TTC39B: variants seen among roughly 807,000 people sequenced by gnomAD.
The protein encoded by TTC39B is tetratricopeptide repeat domain 39B.
A neutral mutation model predicts 96.6 loss-of-function variants in TTC39B; 92 were observed. The observed-to-expected ratio is 0.95, with a 90% CI of 0.80 to 1.13. The LOEUF is 1.13. Ranked by LOEUF, TTC39B falls within the 50% of genes most tolerant of loss-of-function variation. TTC39B has a pLI of 0.00. For synonymous variants in TTC39B, 367 were observed against 299.4 expected (o/e 1.23, Z -2.33); for missense variants, 955 against 809.3 (o/e 1.18, Z -2.18).
chr9:15,233,646 G>A (rs892050117), intron 2 of TTC39B, among the ~76,000 whole-genome samples: 4 of 152,202 alleles, frequency 2.6e-5, no homozygotes, highest in Non-Finnish European at 5.9e-5. Context: ...ACGGAGTCTC[G>A]TTCGCTCAGT....
intron 4 of TTC39B, among the ~76,000 whole-genome samples, chr9:15,213,290 A>G (rs1443139147): frequency 6.6e-6 from 1 of 152,210 alleles, no homozygotes; most frequent in Admixed American, 6.5e-5. Context: ...TGTGAGGCAA[A>G]TATTGAAGAC....
chr9:15,284,710 T>A (rs1435196563), intron 1 of TTC39B, among the ~76,000 whole-genome samples: 1 of 152,190 alleles, frequency 6.6e-6, no homozygotes, highest in African/African-American at 2.4e-5. Context: ...ACCAAATTCT[T>A]ACTTAAGCTG....
rs1184500224 is a variant in TTC39B, at chr9:15,186,926, G to A, written c.1487+18C>T. On this transcript the variant is annotated intron_variant, in intron 15 of 19. Transcript: ENST00000512701. ...TATACCCTCAGAGCCTTTGTTATAG[G>A]AATAGTGTCTCACATACCTGAATAA... The A allele has an allele frequency of 6.2e-7, 1 of 1,607,542 alleles. No homozygotes were observed. The highest frequency in any genetic ancestry group is 1.1e-5 in the South Asian group (1 of 90,824).
At chr9:15,260,277 GT>G (rs142111810) in intron 2 of TTC39B, among the ~76,000 whole-genome samples, 41,408 of 139,630 alleles carry the variant, frequency 0.3, 7,991 homozygotes, top group African/African-American at 0.56. Context: ...TCCTCATTGT[GT>G]TTTTTTTTTT....
chr9:15,233,978 C>G (rs1259789254), intron 2 of TTC39B, among the ~76,000 whole-genome samples: 15 of 149,530 alleles, frequency 1.0e-4, no homozygotes, highest in African/African-American at 3.0e-4. Context: ...CGCCCATCGT[C>G]TGAGATGTGG....
At chr9:15,228,550 A>G (rs763238400) in intron 2 of TTC39B, among the ~76,000 whole-genome samples, 1 of 152,196 alleles carries the variant, frequency 6.6e-6, no homozygotes, top group Non-Finnish European at 1.5e-5. Flanking sequence ...ACTCACCGTA[A>G]ACAGTAAAAA....
At chr9:15,273,411 C>A (rs369175205) in intron 1 of TTC39B, among the ~76,000 whole-genome samples, 9 of 152,262 alleles carry the variant, frequency 5.9e-5, no homozygotes, top group African/African-American at 2.2e-4. Context: ...ACGCCAGGTA[C>A]TGTAAATCCA....
In TTC39B at chr9:15,225,810, A is replaced by C. The variant is rs995108084; in HGVS notation, c.371+107T>G. 7.0e-6 allele frequency: 7 copies of C among 996,116 alleles called. No individual in the cohort carries two copies. In the African/African-American group the frequency reaches 8.1e-5, roughly 11 times the overall value. The allele number at this position is 996,116 out of a possible 1,614,324, so 61.7% of individuals were successfully genotyped here. A position where few individuals can be genotyped will look rare whatever the true frequency, so the allele number is the denominator to read the frequency against. On this transcript the variant is annotated intron_variant, in intron 3 of 19. Coordinates refer to ENST00000512701, the Ensembl canonical transcript of TTC39B. ...ACTTGCCTAGGCCTCTCCTGACCTC[A>C]TTGGTTTGTCAAACGCAATGCACTA...
intron 1 of TTC39B, among the ~76,000 whole-genome samples, chr9:15,284,474 G>T (rs1368225959): frequency 6.6e-6 from 1 of 152,088 alleles, no homozygotes; most frequent in African/African-American, 2.4e-5. Context: ...AGACCCAAAT[G>T]ATCTTCAATA....
intron 8 of TTC39B, among the ~76,000 whole-genome samples, chr9:15,193,141 A>G (rs1410641114): frequency 6.6e-6 from 1 of 152,222 alleles, no homozygotes; most frequent in Non-Finnish European, 1.5e-5. Flanking sequence ...AAACAGACCA[A>G]ATAAATTAGG....
chr9:15,198,387 G>A lies in TTC39B; in HGVS notation c.824+1474C>T, dbSNP rs192408267. On this transcript the variant is annotated intron_variant, in intron 8 of 19. Transcript: ENST00000512701. ...CAGGAGAGTTGCTTGAACCCAGGAG[G>A]CAGAGGTTGCAGTGAGCTGAGATCA... 1.5e-3 allele frequency among the ~76,000 whole-genome samples: 231 copies of A among 151,180 alleles called. 1 individual carries two copies. Among genetic ancestry groups the A allele is most frequent in the African/African-American group, 5.1e-3 (211 of 41,210 alleles).
At chr9:15,290,106 T>G (rs1470456698) in intron 1 of TTC39B, among the ~76,000 whole-genome samples, 2 of 152,226 alleles carry the variant, frequency 1.3e-5, no homozygotes, top group Non-Finnish European at 2.9e-5. Context: ...TGATTTTTAA[T>G]TTTTTAATTA....
chr9:15,177,643 A>C, intron 18 of TTC39B, 54 bp downstream of exon 18: 1 of 1,223,946 alleles, frequency 8.2e-7, no homozygotes, highest in Non-Finnish European at 1.2e-6. Flanking sequence ...TTCTCACAGC[A>C]ATTCCCCAGA....
intron 1 of TTC39B, among the ~76,000 whole-genome samples, chr9:15,273,594 G>A (rs999207933): frequency 1.3e-5 from 2 of 151,990 alleles, no homozygotes; most frequent in African/African-American, 2.4e-5. Context: ...TTTAACCACC[G>A]CACTTTAGCA....
intron 1 of TTC39B, among the ~76,000 whole-genome samples, chr9:15,270,004 A>C (rs144849623): frequency 0.026 from 3,997 of 152,208 alleles, 177 homozygotes; most frequent in African/African-American, 0.092. Context: ...CCCCATTCCT[A>C]CTAAAAATAC....
intron 2 of TTC39B, among the ~76,000 whole-genome samples, chr9:15,226,523 T>C (rs1353116093): frequency 6.6e-6 from 1 of 152,206 alleles, no homozygotes; most frequent in Non-Finnish European, 1.5e-5. Context: ...TTCAGGCATG[T>C]AGGTTACTCC....
At chr9:15,238,471 T>C (rs1821889220) in intron 2 of TTC39B, among the ~76,000 whole-genome samples, 1 of 152,264 alleles carries the variant, frequency 6.6e-6, no homozygotes, top group South Asian at 2.1e-4. Context: ...CAAAAATCAG[T>C]AGCATTTCTA....
At chr9:15,234,810 T>C (rs1378763570) in intron 2 of TTC39B, among the ~76,000 whole-genome samples, 1 of 151,878 alleles carries the variant, frequency 6.6e-6, no homozygotes. Context: ...ATGTGCTTTC[T>C]TAAACAGATG....
chr9:15,190,751 G>A (rs1258692417), intron 10 of TTC39B, 89 bp from the exon 11 acceptor site: 1 of 1,036,536 alleles, frequency 9.6e-7, no homozygotes, highest in Non-Finnish European at 1.5e-6. Context: ...TATTAGGGGG[G>A]TTACAAGTAC....
Sources: gnomAD v4.1 joint callset for allele counts (sites outside exome capture counted in the v4.1 genomes callset) on GRCh38, gnomAD v4.1.1 for gene constraint, MANE v1.5 for transcripts, NCBI Gene and HGNC (gene_info 2026-07-23, HGNC 2026-07-21) for gene names.